Variants in TMPRSS6 observed in about 807,000 individuals in gnomAD.
The protein encoded by TMPRSS6 is transmembrane serine protease 6.
In TMPRSS6, 67 loss-of-function variants were observed where a neutral mutation model predicts 101.5. The observed-to-expected ratio is 0.66, with a 90% CI of 0.54 to 0.81. TMPRSS6 has a LOEUF of 0.81. Ranked by LOEUF, TMPRSS6 falls within the 30% of genes least tolerant of loss-of-function variation. TMPRSS6 has a pLI of 0.00. For missense variants in TMPRSS6, 1,034 were observed against 1,088.7 expected (o/e 0.95, Z 0.71); for synonymous variants, 453 against 464.9 (o/e 0.97, Z 0.33).
At chr22:37,077,649 T>C (rs1927788254) in intron 10 of TMPRSS6, among the ~76,000 whole-genome samples, 1 of 152,214 alleles carries the variant, frequency 6.6e-6, no homozygotes, top group Admixed American at 6.5e-5. Flanking sequence ...GTTAAAGAAA[T>C]GTACAAAAAT....
At chr22:37,077,828 C>A (rs1035462241) in intron 10 of TMPRSS6, among the ~76,000 whole-genome samples, 8 of 152,172 alleles carry the variant, frequency 5.3e-5, no homozygotes, top group African/African-American at 1.9e-4. Context: ...AAGTATAGAT[C>A]TATAACCTGT....
At chr22:37,071,626 C>A (rs1926917515) in intron 13 of TMPRSS6, among the ~76,000 whole-genome samples, 1 of 152,264 alleles carries the variant, frequency 6.6e-6, no homozygotes, top group Admixed American at 6.5e-5. Flanking sequence ...CCTTGGAAGG[C>A]AGGGCCTGCA....
At chr22:37,072,172 CGGATGATGGATGGAT>C (rs1326256951) in intron 13 of TMPRSS6, among the ~76,000 whole-genome samples, 3 of 88,554 alleles carry the variant, frequency 3.4e-5, no homozygotes, top group Admixed American at 2.7e-4. Flanking sequence ...GATGGATGAA[CGGATGATGGATGGAT>C]GGATGATGGA....
At chr22:37,095,247 G>A (rs1929640784) in intron 6 of TMPRSS6, among the ~76,000 whole-genome samples, 1 of 152,186 alleles carries the variant, frequency 6.6e-6, no homozygotes, top group African/African-American at 2.4e-5. Flanking sequence ...GTGAATGATA[G>A]AGGAGAGTCA....
intron 8 of TMPRSS6, among the ~76,000 whole-genome samples, chr22:37,085,968 A>G (rs1016293334): frequency 5.3e-5 from 8 of 151,610 alleles, no homozygotes; most frequent in Non-Finnish European, 1.0e-4. Context: ...GAGGGAGGAG[A>G]GGCGGTCAGC....
intron 17 of TMPRSS6, 72 bp downstream of exon 17, chr22:37,066,754 A>G: frequency 6.2e-7 from 1 of 1,605,314 alleles, no homozygotes; most frequent in South Asian, 1.1e-5. Context: ...ATGTGAGCAA[A>G]GGGCCAGACC....
chr22:37,066,383 G>T (rs1370162326), intron 17 of TMPRSS6, 145 bp from the exon 18 acceptor site: 1 of 933,474 alleles, frequency 1.1e-6, no homozygotes, highest in Non-Finnish European at 1.6e-6. Context: ...CTTTCCCCTC[G>T]CCTGCTAAAT....
chr22:37,107,830 C>A (rs900449723), intron 1 of TMPRSS6, among the ~76,000 whole-genome samples: 1 of 152,164 alleles, frequency 6.6e-6, no homozygotes, highest in African/African-American at 2.4e-5. Flanking sequence ...CTGGGCACTC[C>A]CGTCTCTCCT....
chr22:37,095,799 A>C (rs2543509), intron 5 of TMPRSS6, 107 bp downstream of exon 5: 10 of 1,459,452 alleles, frequency 6.9e-6, no homozygotes, highest in Non-Finnish European at 9.5e-6. Flanking sequence ...TGGGGGGCCC[A>C]CCCTGACAGC....
intron 13 of TMPRSS6, among the ~76,000 whole-genome samples, chr22:37,072,219 G>GATGA (rs1300076545): frequency 1.6e-4 from 11 of 70,642 alleles, no homozygotes; most frequent in Non-Finnish European, 2.5e-4. Context: ...ATGGATGATG[G>GATGA]ATGGATGGAT....
At position 37,066,959 on chromosome 22, in the gene TMPRSS6, G is replaced by A; in HGVS notation, c.2117C>T (p.Pro706Leu). ...TGWGALREGG[P>L]ISNALQKVDV... ...CACTTTCTGCAGAGCGTTGCTGATG[G>A]GGCCTGTCCGTGGTCAAGGGCAGAA... is the stretch of plus-strand genomic sequence containing the variant. Residue 706 changes from proline to leucine, a missense_variant, in exon 17 of 18, where the codon CCC becomes CTC. Coordinates refer to ENST00000676104, the MANE Select transcript of TMPRSS6 (RefSeq NM_001374504.1). 6.2e-7 allele frequency: 1 copy of A among 1,614,132 alleles called. No homozygotes were observed. Among genetic ancestry groups the A allele is most frequent in the South Asian group, 1.1e-5 (1 of 91,074 alleles).
At chr22:37,095,629 C>CAAAA in intron 5 of TMPRSS6, 37 bp from the exon 6 acceptor site, 7 of 1,176,532 alleles carry the variant, frequency 5.9e-6, no homozygotes, top group Admixed American at 3.1e-5. Flanking sequence ...TAAACAAGAA[C>CAAAA]AAAAAAAAAA....
intron 13 of TMPRSS6, among the ~76,000 whole-genome samples, chr22:37,072,248 T>TGATG (rs1291419190): frequency 8.4e-6 from 1 of 118,546 alleles, no homozygotes; most frequent in African/African-American, 3.9e-5. Flanking sequence ...GATGGATGGA[T>TGATG]GATGGATGGA....
intron 6 of TMPRSS6, among the ~76,000 whole-genome samples, chr22:37,095,350 C>T (rs968083987): frequency 6.6e-5 from 10 of 152,092 alleles, no homozygotes; most frequent in South Asian, 2.1e-4. Flanking sequence ...CACGCATGCA[C>T]GTCGCCACCT....
At position 37,095,821 on chromosome 22, in the gene TMPRSS6, G is replaced by C. The variant is rs1430170827; in HGVS notation, c.589+85C>G. The C allele has an allele frequency of 2.6e-6, 4 of 1,559,562 alleles. No individual in the cohort carries two copies. In the East Asian group the frequency reaches 9.0e-5, roughly 35 times the overall value. Reference sequence around the variant, plus strand: ...CCCACCCTGACAGCACCCCAGGCCTGGCAGGCAGCCTCCCCGGGCCACACC... The same window carrying C: ...CCCACCCTGACAGCACCCCAGGCCTCGCAGGCAGCCTCCCCGGGCCACACC... On this transcript the variant is annotated intron_variant, in intron 5 of 17. Transcript: ENST00000676104.
At chr22:37,071,054 C>T in intron 13 of TMPRSS6, 22 bp from the exon 14 acceptor site, 2 of 1,607,976 alleles carry the variant, frequency 1.2e-6, no homozygotes, top group Non-Finnish European at 1.7e-6. Flanking sequence ...GGGATGGGGG[C>T]AGGGCACAGA....
chr22:37,092,303 C>T (rs936029610), intron 6 of TMPRSS6, among the ~76,000 whole-genome samples: 7 of 151,982 alleles, frequency 4.6e-5, no homozygotes, highest in African/African-American at 1.5e-4. Flanking sequence ...CTGCCTACCC[C>T]CATGCCTGAA....
chr22:37,092,494 C>T (rs1195062448), intron 6 of TMPRSS6, among the ~76,000 whole-genome samples: 1 of 149,126 alleles, frequency 6.7e-6, no homozygotes, highest in Admixed American at 6.7e-5. Flanking sequence ...TGCACACCAC[C>T]ATGTCCAGCT....
intron 16 of TMPRSS6, among the ~76,000 whole-genome samples, chr22:37,067,735 G>A (rs991616385): frequency 1.8e-5 from 2 of 108,538 alleles, no homozygotes; most frequent in Admixed American, 1.7e-4. Context: ...GCCTTGATAC[G>A]CAGTTTTTCT....
Sources: gnomAD v4.1 joint callset for allele counts (sites outside exome capture counted in the v4.1 genomes callset) on GRCh38, gnomAD v4.1.1 for gene constraint, MANE v1.5 for transcripts, NCBI Gene and HGNC (gene_info 2026-07-23, HGNC 2026-07-21) for gene names.